The following RBMS1 variants were observed in gnomAD, a reference collection of about 807,000 sequenced individuals.
RBMS1 encodes RNA binding motif single stranded interacting protein 1, also known as RNA-binding motif, single-stranded-interacting protein 1.
In RBMS1, 17 loss-of-function variants were observed where a neutral mutation model predicts 62.3. That is an observed-to-expected ratio of 0.27 (90% confidence interval 0.19 to 0.41). The LOEUF (loss-of-function observed/expected upper bound fraction) is 0.41, where lower values mean the gene tolerates loss of function less well. Among genes scored for constraint, RBMS1 ranks in the 10% least tolerant of loss-of-function variants. The pLI is 1.00. For missense variants in RBMS1, 334 were observed against 504.5 expected (o/e 0.66, Z 3.24); for synonymous variants, 172 against 170.0 (o/e 1.01, Z -0.09).
In RBMS1 at chr2:160,457,818, C is replaced by T. The variant is rs138005464; in HGVS notation, c.75+35471G>A. Among the ~76,000 whole-genome samples the T allele has an allele frequency of 3.0e-3, 449 of 151,956 alleles. 4 individuals are homozygous for T. The highest frequency in any genetic ancestry group is 0.01 in the African/African-American group (425 of 41,438). ...ACTTTCACACATCGTGTGACTTTCT[C>T]GGTGATTTCCTGGCATTCTCGGGTG... On this transcript the variant is annotated intron_variant, in intron 1 of 13. Coordinates refer to ENST00000348849, the MANE Select transcript of RBMS1 (RefSeq NM_016836.4).
chr2:160,418,552 G>A (rs916418298), intron 1 of RBMS1, among the ~76,000 whole-genome samples: 1 of 152,138 alleles, frequency 6.6e-6, no homozygotes, highest in African/African-American at 2.4e-5. Flanking sequence ...ATTCACATTT[G>A]GAACAACGAC....
In RBMS1 at chr2:160,303,179, C is replaced by A. The variant is rs79992262; in HGVS notation, c.560+151G>T. 1.7e-3 allele frequency: 1,136 copies of A among 680,702 alleles called. 15 individuals are homozygous for A. In the African/African-American group the frequency reaches 0.02, roughly 12 times the overall value. The allele number at this position is 680,702 out of a possible 1,614,324, so 42.2% of individuals were successfully genotyped here. A position where few individuals can be genotyped will look rare whatever the true frequency, so the allele number is the denominator to read the frequency against. ...AACTTGCAAAAGATCTGGAAAAATG[C>A]AGTCTGGTATTTACACATAATTTAA... On this transcript the variant is annotated intron_variant, in intron 5 of 13. Transcript: ENST00000348849.
rs188318648 is a variant in RBMS1 at position 160,403,932 on chromosome 2, A to G, written c.76-36541T>C. ...GGAAAAATGAAAATACCAATTTTCTATATCTAAAAGCCTTTGAGTATAAAT... is the reference window on the plus strand; with the variant it reads ...GGAAAAATGAAAATACCAATTTTCTGTATCTAAAAGCCTTTGAGTATAAAT... On this transcript the variant is annotated intron_variant, in intron 1 of 13. Coordinates refer to ENST00000348849, the MANE Select transcript of RBMS1 (RefSeq NM_016836.4). 3.7e-4 allele frequency among the ~76,000 whole-genome samples: 56 copies of G among 152,366 alleles called. No individual in the cohort carries two copies. The East Asian group carries it at 4.0e-3, about 11-fold the overall frequency.
chr2:160,424,370 G>GA (rs1032068334), intron 1 of RBMS1, among the ~76,000 whole-genome samples: 1 of 148,650 alleles, frequency 6.7e-6, no homozygotes, highest in Admixed American at 6.7e-5. Context: ...GAGATTGGGG[G>GA]GGGGGGGAAA....
intron 2 of RBMS1, among the ~76,000 whole-genome samples, chr2:160,357,620 A>C (rs1210576605): frequency 6.6e-6 from 1 of 152,184 alleles, no homozygotes; most frequent in Non-Finnish European, 1.5e-5. Flanking sequence ...ATACTGCAAC[A>C]GCACACATTT....
At chr2:160,324,907 T>TACACACACACAC (rs1183675474) in intron 2 of RBMS1, among the ~76,000 whole-genome samples, 34 of 106,778 alleles carry the variant, frequency 3.2e-4, no homozygotes, top group African/African-American at 1.3e-3. Context: ...TATATATATA[T>TACACACACACAC]ACACACACAC....
At chr2:160,436,870 T>C (rs1341125972) in intron 1 of RBMS1, among the ~76,000 whole-genome samples, 4 of 152,196 alleles carry the variant, frequency 2.6e-5, no homozygotes, top group Non-Finnish European at 5.9e-5. Context: ...AACAGAATAA[T>C]GGGCTCCTGG....
At chr2:160,428,088 C>G (rs1393974440) in intron 1 of RBMS1, among the ~76,000 whole-genome samples, 3 of 151,902 alleles carry the variant, frequency 2.0e-5, no homozygotes, top group Non-Finnish European at 4.4e-5. Context: ...TTTCCATGTA[C>G]TTCTGGAGCC....
intron 1 of RBMS1, among the ~76,000 whole-genome samples, chr2:160,386,811 T>C (rs999236196): frequency 3.9e-5 from 6 of 152,232 alleles, no homozygotes; most frequent in African/African-American, 1.4e-4. Context: ...GTCTACTTTG[T>C]TAGAGCGGCC....
rs1685951320 is a variant in RBMS1, at chr2:160,493,452, GGCGGCA to G, written c.-95_-90del. 3.2e-6 allele frequency: 4 copies of G among 1,269,182 alleles called. No homozygotes were observed. Among genetic ancestry groups the G allele is most frequent in the South Asian group, 2.4e-5 (2 of 82,076 alleles). 78.6% of individuals were successfully genotyped at this position (1,269,182 alleles called of 1,614,324 possible). A position where few individuals can be genotyped will look rare whatever the true frequency, so the allele number is the denominator to read the frequency against. On this transcript the variant is annotated 5_prime_UTR_variant, in exon 1 of 14. Transcript: ENST00000348849. ...CTCCTGCCTCTCCCTTTCCGGCGGC[GGCGGCA>G]GCGGCGGCGGCGGCGGCGGCTGCTG...
chr2:160,362,937 A>C (rs1693208952), intron 2 of RBMS1, among the ~76,000 whole-genome samples: 1 of 152,182 alleles, frequency 6.6e-6, no homozygotes, highest in Non-Finnish European at 1.5e-5. Context: ...AATCTGGTAG[A>C]GCTTCTTCCT....
chr2:160,310,747 T>C (rs1263147365), intron 4 of RBMS1, among the ~76,000 whole-genome samples: 6 of 152,188 alleles, frequency 3.9e-5, no homozygotes, highest in Non-Finnish European at 7.3e-5. Context: ...GGGTTACCCA[T>C]TGTTTACAGA....
chr2:160,464,460 G>A (rs1453747653), intron 1 of RBMS1, among the ~76,000 whole-genome samples: 1 of 152,150 alleles, frequency 6.6e-6, no homozygotes, highest in Non-Finnish European at 1.5e-5. Context: ...AAAAATGTAG[G>A]AAAAGTGTGC....
intron 1 of RBMS1, among the ~76,000 whole-genome samples, chr2:160,448,965 G>A (rs1003367180): frequency 6.6e-6 from 1 of 151,656 alleles, no homozygotes; most frequent in Admixed American, 6.6e-5. Flanking sequence ...GGGAACTGAG[G>A]AGTGTCTCTG....
At chr2:160,407,555 TGCGGGC>T (rs1027243944) in intron 1 of RBMS1, 110 of 983,564 alleles carry the variant, frequency 1.1e-4, no homozygotes, top group East Asian at 3.5e-4. Flanking sequence ...CGGCGGCGGG[TGCGGGC>T]GCGGGCGCGG....
intron 1 of RBMS1, among the ~76,000 whole-genome samples, chr2:160,423,791 C>T (rs921237679): frequency 1.3e-5 from 2 of 152,142 alleles, no homozygotes; most frequent in African/African-American, 4.8e-5. Flanking sequence ...GTCCTGTGTC[C>T]CCTGGTTGGC....
At chr2:160,421,380 G>A (rs1303616323) in intron 1 of RBMS1, among the ~76,000 whole-genome samples, 4 of 151,028 alleles carry the variant, frequency 2.6e-5, no homozygotes, top group African/African-American at 9.8e-5. Flanking sequence ...TCCCACCTAT[G>A]AGTGAGAACA....
intron 4 of RBMS1, among the ~76,000 whole-genome samples, chr2:160,312,551 G>A (rs941856994): frequency 3.3e-5 from 5 of 151,484 alleles, no homozygotes; most frequent in African/African-American, 9.7e-5. Context: ...AAGTTCATCA[G>A]AAATAAATTT....
intron 1 of RBMS1, among the ~76,000 whole-genome samples, chr2:160,464,451 A>C (rs1361206255): frequency 6.6e-6 from 1 of 152,250 alleles, no homozygotes; most frequent in African/African-American, 2.4e-5. Flanking sequence ...TTAACATACA[A>C]AAATGTAGGA....
Sources: gnomAD v4.1 joint callset for allele counts (sites outside exome capture counted in the v4.1 genomes callset) on GRCh38, gnomAD v4.1.1 for gene constraint, MANE v1.5 for transcripts, NCBI Gene and HGNC (gene_info 2026-07-23, HGNC 2026-07-21) for gene names.